The following CD36 variants were observed in gnomAD, a reference collection of about 807,000 sequenced individuals.
The protein encoded by CD36 is platelet glycoprotein 4.
A neutral mutation model predicts 55.2 loss-of-function variants in CD36; 119 were observed. The ratio of observed to expected loss-of-function variants is 2.15; its 90% CI spans 1.86 to 2.51. The LOEUF (loss-of-function observed/expected upper bound fraction) is 2.51, where lower values mean the gene tolerates loss of function less well. Among genes scored for constraint, CD36 ranks in the 30% most tolerant of loss-of-function variants. CD36 has a pLI of 0.00. For missense variants in CD36, 819 were observed against 555.5 expected (o/e 1.47, Z -4.77); for synonymous variants, 186 against 193.6 (o/e 0.96, Z 0.33).
intron 2 of CD36, 127 bp from the exon 3 acceptor site, chr7:80,646,525 C>A: frequency 1.7e-6 from 1 of 575,212 alleles, no homozygotes. Flanking sequence ...TTTGGTGAAA[C>A]AAAAAGAAAA....
At chr7:80,652,805 G>A (rs554530318) in intron 3 of CD36, among the ~76,000 whole-genome samples, 5 of 152,144 alleles carry the variant, frequency 3.3e-5, no homozygotes, top group Non-Finnish European at 7.4e-5. Flanking sequence ...TTCCTCTAAA[G>A]GATGGATAGA....
At chr7:80,670,806 T>G in intron 9 of CD36, 171 bp from the exon 10 acceptor site, 2 of 609,586 alleles carry the variant, frequency 3.3e-6, no homozygotes, top group Non-Finnish European at 2.9e-6. Context: ...CATGCTTGGC[T>G]ATTGAGTTTT....
At position 80,614,154 on chromosome 7, in the gene CD36, A is replaced by G. The variant is rs560523557; in HGVS notation, c.-184+11775A>G. Among the ~76,000 whole-genome samples, 14 of 152,290 alleles carry G rather than the reference A, an allele frequency of 9.2e-5. No homozygotes were observed. The East Asian group carries it at 2.7e-3, about 29-fold the overall frequency. ...AACACATCACAGATATTCTTAAACT[A>G]CTTGTATAAATTATACCAGAATAAA... On this transcript the variant is annotated intron_variant, in intron 1 of 13. Coordinates refer to the CD36 transcript ENST00000309881.
chr7:80,656,488 G>A, intron 3 of CD36, 52 bp from the exon 4 acceptor site: 1 of 1,539,202 alleles, frequency 6.5e-7, no homozygotes. Flanking sequence ...TCTTCCAGAA[G>A]TGCCTGTACT....
At chr7:80,663,288 T>C in intron 6 of CD36, 119 bp downstream of exon 6, 1 of 847,172 alleles carries the variant, frequency 1.2e-6, no homozygotes, top group Non-Finnish European at 1.9e-6. Flanking sequence ...TGGAGACATA[T>C]ATCCTAACTT....
chr7:80,616,203 T>G (rs1222899267), intron 1 of CD36, among the ~76,000 whole-genome samples: 1 of 152,180 alleles, frequency 6.6e-6, no homozygotes, highest in Non-Finnish European at 1.5e-5. Context: ...ATATCATAGC[T>G]CAGCCTAGCT....
chr7:80,657,914 C>A (rs1796217515), intron 4 of CD36, among the ~76,000 whole-genome samples: 1 of 152,092 alleles, frequency 6.6e-6, no homozygotes, highest in Non-Finnish European at 1.5e-5. Context: ...TTTTGGTTAT[C>A]GGATGATTGT....
At chr7:80,651,194 G>A (rs1448802523) in intron 3 of CD36, among the ~76,000 whole-genome samples, 4 of 152,040 alleles carry the variant, frequency 2.6e-5, no homozygotes, top group Admixed American at 2.6e-4. Flanking sequence ...TTGAATACAC[G>A]TGGATATAAA....
chr7:80,666,867 T>C (rs758143759), intron 8 of CD36, among the ~76,000 whole-genome samples: 27 of 152,150 alleles, frequency 1.8e-4, no homozygotes, highest in Non-Finnish European at 2.8e-4. Context: ...TAAAAAAAGC[T>C]AATTACAAAA....
intron 1 of CD36, among the ~76,000 whole-genome samples, chr7:80,620,779 A>G (rs1354426136): frequency 6.6e-6 from 1 of 152,246 alleles, no homozygotes; most frequent in East Asian, 1.9e-4. Flanking sequence ...GATAACAAAA[A>G]GTCTGTAACT....
chr7:80,675,009 T>A (rs1467442396), intron 14 of CD36, among the ~76,000 whole-genome samples: 2 of 152,154 alleles, frequency 1.3e-5, no homozygotes, highest in Non-Finnish European at 2.9e-5. Context: ...TCATACATTT[T>A]AATTGTTTGT....
At chr7:80,651,864 G>A (rs926818807) in intron 3 of CD36, among the ~76,000 whole-genome samples, 3 of 152,134 alleles carry the variant, frequency 2.0e-5, no homozygotes, top group East Asian at 1.9e-4. Context: ...AGCTAAGGTC[G>A]CGCCTCTGTA....
chr7:80,671,609 A>G (rs1797678649), intron 10 of CD36, among the ~76,000 whole-genome samples: 1 of 151,960 alleles, frequency 6.6e-6, no homozygotes, highest in South Asian at 2.1e-4. Flanking sequence ...CTAGAGTTAA[A>G]CATAAAATTT....
chr7:80,650,278 C>A (rs1383717448), intron 3 of CD36, among the ~76,000 whole-genome samples: 1 of 152,032 alleles, frequency 6.6e-6, no homozygotes, highest in East Asian at 1.9e-4. Context: ...CTTCTTTTTG[C>A]TCTCAGATTC....
chr7:80,665,048 T>TTGA (rs1562813237), intron 7 of CD36, among the ~76,000 whole-genome samples: 1 of 152,140 alleles, frequency 6.6e-6, no homozygotes, highest in East Asian at 1.9e-4. Context: ...ATTTTCCATA[T>TTGA]TGATAACTCA....
At chr7:80,634,064 T>A (rs1794241783), upstream of CD36, among the ~76,000 whole-genome samples, 1 of 152,100 alleles carries the variant, frequency 6.6e-6, no homozygotes, top group African/African-American at 2.4e-5. Context: ...GTATCTTTTT[T>A]TTTCTTTGAA....
At chr7:80,614,920 G>A (rs987894456) in intron 1 of CD36, among the ~76,000 whole-genome samples, 6 of 151,862 alleles carry the variant, frequency 4.0e-5, no homozygotes, top group South Asian at 2.1e-4. Flanking sequence ...GCATAGGGGC[G>A]TATCCAGTTT....
chr7:80,671,222 T>C, intron 10 of CD36, 58 bp downstream of exon 10: 1 of 1,176,026 alleles, frequency 8.5e-7, no homozygotes, highest in East Asian at 2.4e-5. Context: ...TTCTTTAAGA[T>C]GAGAACTTTA....
intron 3 of CD36, among the ~76,000 whole-genome samples, chr7:80,647,567 G>A (rs1216361950): frequency 2.0e-5 from 3 of 152,062 alleles, no homozygotes; most frequent in Admixed American, 6.6e-5. Flanking sequence ...TAGCTTATTC[G>A]AATTAGCTAC....
Sources: allele counts gnomAD v4.1 joint callset (sites outside exome capture counted in the v4.1 genomes callset), GRCh38; gene constraint gnomAD v4.1.1; transcripts MANE v1.5; gene names NCBI Gene and HGNC (gene_info 2026-07-23, HGNC 2026-07-21).